The following ENTREP2 variants were observed in gnomAD, a reference collection of about 807,000 sequenced individuals.
ENTREP2 encodes the protein protein ENTREP2.
the ENTREP2 span, among the ~76,000 whole-genome samples, chr15:29,623,375 G>A: frequency 6.6e-6 from 1 of 152,198 alleles, no homozygotes; most frequent in Non-Finnish European, 1.5e-5. Flanking sequence ...AATTTACTCA[G>A]CTTCATCCTC....
At chr15:29,493,758 C>T in the ENTREP2 span, among the ~76,000 whole-genome samples, 7 of 152,028 alleles carry the variant, frequency 4.6e-5, no homozygotes, top group African/African-American at 4.8e-5. Flanking sequence ...GGCGAATCAC[C>T]TGAGGTCAGG....
chr15:29,214,173 G>A, the ENTREP2 span, among the ~76,000 whole-genome samples: 452 of 152,282 alleles, frequency 3.0e-3, 1 homozygote, highest in African/African-American at 0.01. Context: ...ATTTGACCCA[G>A]CCATCCCATT....
chr15:29,318,383 C>T, the ENTREP2 span, among the ~76,000 whole-genome samples: 21 of 152,080 alleles, frequency 1.4e-4, no homozygotes, highest in African/African-American at 3.9e-4. Flanking sequence ...TGCAGTGTCG[C>T]GATCTCAGCT....
At chr15:29,527,179 C>G in the ENTREP2 span, among the ~76,000 whole-genome samples, 1 of 152,142 alleles carries the variant, frequency 6.6e-6, no homozygotes, top group Non-Finnish European at 1.5e-5. Context: ...GCCATGCCCC[C>G]GTTTCTCCAC....
the ENTREP2 span, among the ~76,000 whole-genome samples, chr15:29,622,660 G>A: frequency 6.6e-6 from 1 of 152,158 alleles, no homozygotes; most frequent in African/African-American, 2.4e-5. Context: ...GAGCAGGTGA[G>A]AGGGGATGCC....
At chr15:29,293,432 T>C in the ENTREP2 span, among the ~76,000 whole-genome samples, 1 of 151,574 alleles carries the variant, frequency 6.6e-6, no homozygotes, top group Non-Finnish European at 1.5e-5. Context: ...TATTTTTTTT[T>C]TTTTTAGTAG....
chr15:29,223,575 A>G, the ENTREP2 span, among the ~76,000 whole-genome samples: 10 of 152,322 alleles, frequency 6.6e-5, no homozygotes, highest in African/African-American at 7.2e-5. Flanking sequence ...ATACCCCCTA[A>G]AAATGAGCTA....
chr15:29,320,476 C>CA, the ENTREP2 span, among the ~76,000 whole-genome samples: 1 of 151,946 alleles, frequency 6.6e-6, no homozygotes, highest in Non-Finnish European at 1.5e-5. Flanking sequence ...TGGTTTTCAG[C>CA]AAAAAATTAG....
the ENTREP2 span, among the ~76,000 whole-genome samples, chr15:29,482,509 C>G: frequency 1.3e-5 from 2 of 152,186 alleles, no homozygotes; most frequent in African/African-American, 4.8e-5. Context: ...TCTCCCTCCC[C>G]CAAACCTCTG....
the ENTREP2 span, among the ~76,000 whole-genome samples, chr15:29,158,527 T>C: frequency 6.6e-6 from 1 of 151,402 alleles, no homozygotes; most frequent in Non-Finnish European, 1.5e-5. Flanking sequence ...TGCCTCAGCC[T>C]CCCAAGTATC....
chr15:29,187,342 C>G, the ENTREP2 span, among the ~76,000 whole-genome samples: 154 of 152,034 alleles, frequency 1.0e-3, no homozygotes, highest in Non-Finnish European at 1.8e-3. Flanking sequence ...GTGGTGCGAT[C>G]TCTGCTCACT....
the ENTREP2 span, among the ~76,000 whole-genome samples, chr15:29,297,649 C>T: frequency 6.6e-6 from 1 of 152,026 alleles, no homozygotes; most frequent in Non-Finnish European, 1.5e-5. Flanking sequence ...GAACAGAATC[C>T]CACCTATCAT....
chr15:29,157,459 G>C, the ENTREP2 span, among the ~76,000 whole-genome samples: 2 of 152,178 alleles, frequency 1.3e-5, no homozygotes, highest in African/African-American at 4.8e-5. Flanking sequence ...TTTCCTCTAA[G>C]TGACATGAAT....
chr15:29,264,371 G>A, the ENTREP2 span, among the ~76,000 whole-genome samples: 1 of 152,086 alleles, frequency 6.6e-6, no homozygotes, highest in Non-Finnish European at 1.5e-5. Context: ...AAGTCTCAAA[G>A]TGTCTCCACA....
the ENTREP2 span, chr15:29,570,793 A>G: frequency 0.11 from 68,726 of 632,814 alleles, 5,777 homozygotes; most frequent in East Asian, 0.5. Context: ...CTCCTCACAG[A>G]GGGTCCGAGG....
the ENTREP2 span, among the ~76,000 whole-genome samples, chr15:29,273,056 C>T: frequency 6.6e-6 from 1 of 152,114 alleles, no homozygotes; most frequent in Non-Finnish European, 1.5e-5. Flanking sequence ...AGCCTAATGG[C>T]ATTTAGAGCG....
chr15:29,397,504 A>G, the ENTREP2 span, among the ~76,000 whole-genome samples: 2 of 152,136 alleles, frequency 1.3e-5, no homozygotes, highest in Non-Finnish European at 2.9e-5. Flanking sequence ...GTGGTTAGAA[A>G]GAACAGTGGT....
the ENTREP2 span, among the ~76,000 whole-genome samples, chr15:29,309,972 C>A: frequency 6.6e-6 from 1 of 152,000 alleles, no homozygotes; most frequent in Non-Finnish European, 1.5e-5. Flanking sequence ...GGGAGTAGAC[C>A]CTGCATGCTC....
the ENTREP2 span, among the ~76,000 whole-genome samples, chr15:29,536,807 C>A: frequency 9.9e-5 from 15 of 152,012 alleles, no homozygotes; most frequent in Admixed American, 7.2e-4. Context: ...TGAAAACACA[C>A]AGGAGAGCCC....
Sources: allele counts gnomAD v4.1 joint callset (sites outside exome capture counted in the v4.1 genomes callset), GRCh38; gene constraint gnomAD v4.1.1; transcripts MANE v1.5; gene names NCBI Gene and HGNC (gene_info 2026-07-23, HGNC 2026-07-21).